CALB1: variants seen among roughly 807,000 people sequenced by gnomAD.
CALB1 encodes the protein calbindin.
A neutral mutation model predicts 46.7 loss-of-function variants in CALB1; 16 were observed. The observed-to-expected ratio is 0.34, with a 90% confidence interval of 0.23 to 0.52. CALB1 has a LOEUF of 0.52. CALB1 is among the 20% of genes least tolerant of loss of function. CALB1 has a pLI of 0.95. For missense variants in CALB1, 224 were observed against 300.3 expected, an observed-to-expected ratio of 0.75 and a Z score of 1.88; for synonymous variants, 90 against 112.8, an observed-to-expected ratio of 0.80 and a Z score of 1.28.
Position 90,069,074 on chromosome 8 carries a change from A to T in CALB1, c.316-20T>A, listed in dbSNP as rs1319421646. The T allele has an allele frequency of 9.3e-6, 15 of 1,612,404 alleles. No individual in the cohort carries two copies. Among genetic ancestry groups the T allele is most frequent in the Admixed American group, 1.7e-5 (1 of 59,922 alleles). On this transcript the variant is annotated intron_variant, in intron 4 of 10. Coordinates refer to ENST00000265431, the MANE Select transcript of CALB1 (RefSeq NM_004929.4). ...CCATGTCTGTAAGTAATTTTGGATA[A>T]GGAAAACAAACACATTTTTAATAAA...
At chr8:90,068,296 A>G (rs1368412317) in intron 5 of CALB1, among the ~76,000 whole-genome samples, 12 of 152,230 alleles carry the variant, frequency 7.9e-5, no homozygotes, top group Non-Finnish European at 1.5e-4. Context: ...TTGATTTCAG[A>G]TCTCTGCCTT....
chr8:90,078,251 A>G (rs1329776083), intron 3 of CALB1, 122 bp downstream of exon 3: 2 of 616,022 alleles, frequency 3.2e-6, no homozygotes, highest in Non-Finnish European at 5.7e-6. Flanking sequence ...AAGATAATGT[A>G]TTACTTAGGT....
chr8:90,070,837 A>AGTGTGTGTGT lies in CALB1; in HGVS notation c.232-1610_232-1601dup, dbSNP rs35368479. Among the ~76,000 whole-genome samples, 119 of 121,734 alleles carry AGTGTGTGTGT rather than the reference A, an allele frequency of 9.8e-4. 2 individuals are homozygous for AGTGTGTGTGT. The highest frequency in any genetic ancestry group is 3.3e-3 in the African/African-American group (111 of 33,156). The allele number at this position is 121,734 out of a possible 152,430, so 79.9% of individuals were successfully genotyped here. On this transcript the variant is annotated intron_variant, in intron 3 of 10. Transcript: ENST00000265431. ...TACATAAACACATTTGCATCATTGC[A>AGTGTGTGTGT]GTGTGTGTGTGTGTGTGTGTGTGTG...
At position 90,082,814 on chromosome 8, in the gene CALB1, C is replaced by G. The variant is rs1586187393; in HGVS notation, c.-117G>C. ...TCAGGGCTGCGGAGGGAGACCTGGG[C>G]GCGGGCGCTGCCGGGCGCTGTCCTC... is the stretch of plus-strand genomic sequence containing the variant. On this transcript the variant is annotated 5_prime_UTR_variant, in exon 1 of 11. Transcript: ENST00000265431. 3.0e-6 allele frequency: 3 copies of G among 986,082 alleles called. No homozygotes were observed. Among genetic ancestry groups the G allele is most frequent in the Non-Finnish European group, 4.9e-6 (3 of 617,382 alleles). The allele number at this position is 986,082 out of a possible 1,614,324, so 61.1% of individuals were successfully genotyped here.
rs528856430 is a variant in CALB1 at position 90,079,616 on chromosome 8, G to A, written c.157-1169C>T. 3.3e-5 allele frequency among the ~76,000 whole-genome samples: 5 copies of A among 151,958 alleles called. No individual in the cohort carries two copies. In the South Asian group the frequency reaches 8.3e-4, roughly 25 times the overall value. On this transcript the variant is annotated intron_variant, in intron 2 of 10. Transcript: ENST00000265431. Reference sequence around the variant, plus strand: ...AATGGTGTAATACCACTACTTTCACGAGCAGACTTGACATTTACTTTGTGA... The same window carrying A: ...AATGGTGTAATACCACTACTTTCACAAGCAGACTTGACATTTACTTTGTGA...
At chr8:90,064,801 T>C (rs1814361989) in intron 6 of CALB1, among the ~76,000 whole-genome samples, 1 of 151,788 alleles carries the variant, frequency 6.6e-6, no homozygotes, top group African/African-American at 2.4e-5. Flanking sequence ...TTTGGTTGTT[T>C]TGAAATTAAA....
Position 90,078,404 on chromosome 8 carries a change from T to A in CALB1, c.200A>T (p.Gln67Leu). 1 of 1,595,512 alleles carries A rather than the reference T, an allele frequency of 6.3e-7. No homozygotes were observed. ...EMKTFVDQYG[Q>L]RDDGKIGIVE... ...AATTCCTATTTTTCCATCATCTCTT[T>A]GCCCATACTGATCCACAAAAGTTTT... The change falls in exon 3 of 11, where the codon CAA becomes CTA. Residue 67 changes from glutamine (Q) to leucine (L), a missense_variant. Physicochemically the swap from Gln to Leu is moderately radical, Grantham distance 113. Transcript: ENST00000265431.
intron 3 of CALB1, 35 bp from the exon 4 acceptor site, chr8:90,069,272 A>C (rs1814456626): frequency 1.3e-6 from 2 of 1,539,470 alleles, no homozygotes. Context: ...AACGTGTTGT[A>C]AGTTGCTCAA....
At chr8:90,072,274 A>G (rs1325233911) in intron 3 of CALB1, among the ~76,000 whole-genome samples, 1 of 152,216 alleles carries the variant, frequency 6.6e-6, no homozygotes. Context: ...TAACTCACAT[A>G]AAGTTGAGAG....
At position 90,060,606 on chromosome 8, in the gene CALB1, A is replaced by G. The variant is rs373660833; in HGVS notation, c.672+23T>C. 3.8e-5 allele frequency: 60 copies of G among 1,590,488 alleles called. No individual in the cohort carries two copies. The African/African-American group carries it at 7.1e-4, about 19-fold the overall frequency. On this transcript the variant is annotated intron_variant, in intron 10 of 10. Transcript: ENST00000265431. Reference sequence around the variant, plus strand: ...ATCCACAGAGTCTGCTTAAAGAAGTAAGTGCCATGGTAACTAAGTTACCTG... The same window carrying G: ...ATCCACAGAGTCTGCTTAAAGAAGTGAGTGCCATGGTAACTAAGTTACCTG...
chr8:90,064,578 A>T lies in CALB1; in HGVS notation c.451-1117T>A, dbSNP rs192131810. ...TTTTGAAAGGCTGCTTCAATATTCTACCTGGAAAGGAGCCTTTCTTTAAAT... is the reference window on the plus strand; with the variant it reads ...TTTTGAAAGGCTGCTTCAATATTCTTCCTGGAAAGGAGCCTTTCTTTAAAT... On this transcript the variant is annotated intron_variant, in intron 6 of 10. Coordinates refer to ENST00000265431, the MANE Select transcript of CALB1 (RefSeq NM_004929.4). The T allele has an allele frequency of 5.3e-5, 8 of 151,912 alleles. No individual in the cohort carries two copies. The East Asian group carries it at 1.2e-3, about 22-fold the overall frequency. The allele number at this position is 151,912 out of a possible 1,614,324, so 9.4% of individuals were successfully genotyped here. A position where few individuals can be genotyped will look rare whatever the true frequency, so the allele number is the denominator to read the frequency against.
At chr8:90,065,107 G>A (rs768684903) in intron 6 of CALB1, among the ~76,000 whole-genome samples, 7 of 151,778 alleles carry the variant, frequency 4.6e-5, no homozygotes, top group Non-Finnish European at 1.0e-4. Context: ...ACTGAAAGCT[G>A]TATAAATATA....
At chr8:90,082,246 G>A (rs530694289) in intron 1 of CALB1, 144 bp from the exon 2 acceptor site, 82 of 689,278 alleles carry the variant, frequency 1.2e-4, no homozygotes, top group Non-Finnish European at 2.0e-4. Context: ...TGTACAGACG[G>A]TGAAGCGCTC....
At chr8:90,081,755 T>C (rs954509460) in intron 2 of CALB1, among the ~76,000 whole-genome samples, 3 of 152,048 alleles carry the variant, frequency 2.0e-5, no homozygotes, top group Admixed American at 6.6e-5. Flanking sequence ...TCTGTCTCTC[T>C]CTGTCTGTCT....
chr8:90,063,945 C>A (rs1814345489), intron 6 of CALB1: 1 of 153,790 alleles, frequency 6.5e-6, no homozygotes, highest in African/African-American at 2.4e-5. Context: ...GTATTAGAAA[C>A]TCCATAAAGC....
intron 5 of CALB1, among the ~76,000 whole-genome samples, chr8:90,068,292 T>G (rs1039456629): frequency 2.0e-5 from 3 of 152,240 alleles, no homozygotes; most frequent in African/African-American, 7.2e-5. Flanking sequence ...AGACTTGATT[T>G]CAGATCTCTG....
At chr8:90,069,906 C>T (rs1157180979) in intron 3 of CALB1, among the ~76,000 whole-genome samples, 1 of 151,808 alleles carries the variant, frequency 6.6e-6, no homozygotes, top group African/African-American at 2.4e-5. Flanking sequence ...GGTTTATTTT[C>T]TGATCTCCAC....
chr8:90,069,256 GA>G lies in CALB1; in HGVS notation c.232-20del. 6.3e-7 allele frequency: 1 copy of G among 1,595,234 alleles called. No homozygotes were observed. The highest frequency in any genetic ancestry group is 8.6e-7 in the Non-Finnish European group (1 of 1,163,148). On this transcript the variant is annotated intron_variant, in intron 3 of 10. Transcript: ENST00000265431. ...GAGCCAACTGGAAAAGATTTAAGAA[GA>G]GAGAAACGTGTTGTAAGTTGCTCAA...
At chr8:90,077,794 A>G (rs1379361623) in intron 3 of CALB1, among the ~76,000 whole-genome samples, 1 of 152,098 alleles carries the variant, frequency 6.6e-6, no homozygotes, top group Non-Finnish European at 1.5e-5. Context: ...TTCACATGAA[A>G]TCTGTACCTA....
Sources: gnomAD v4.1 joint callset for allele counts (sites outside exome capture counted in the v4.1 genomes callset) on GRCh38, gnomAD v4.1.1 for gene constraint, MANE v1.5 for transcripts, NCBI Gene and HGNC (gene_info 2026-07-23, HGNC 2026-07-21) for gene names.